Variants in ITGA2B observed in about 807,000 individuals in gnomAD.
ITGA2B encodes the protein integrin subunit alpha 2b.
In ITGA2B, 91 loss-of-function variants were observed where a neutral mutation model predicts 142.0. The observed-to-expected ratio is 0.64, with a 90% CI of 0.54 to 0.76. ITGA2B has a LOEUF of 0.76. Ranked by LOEUF, ITGA2B falls within the 30% of genes least tolerant of loss-of-function variation. The pLI is 0.00. For synonymous variants in ITGA2B, 536 were observed against 567.2 expected, an observed-to-expected ratio of 0.94 and a Z score of 0.78; for missense variants, 1,231 against 1,350.8, an observed-to-expected ratio of 0.91 and a Z score of 1.39.
rs1266738364 is a variant in ITGA2B, at chr17:44,379,775, G to T, written c.1792C>A (p.Leu598Ile). Reference sequence around the variant, plus strand: ...GGCGGTAGGGACACATTGAGGCTGAGCACAATGGGGCTCAGCTTGTCCCGG... The same window carrying T: ...GGCGGTAGGGACACATTGAGGCTGATCACAATGGGGCTCAGCTTGTCCCGG... ...DFRDKLSPIV[L>I]SLNVSLPPTE... The change falls in exon 18 of 30, where the codon CTC becomes ATC. Residue 598 changes from leucine to isoleucine, a missense_variant. Leu to Ile is a conservative substitution (Grantham distance 5). Transcript: ENST00000262407. 1 of 1,613,862 alleles carries T rather than the reference G, an allele frequency of 6.2e-7. No homozygotes were observed. Among genetic ancestry groups the T allele is most frequent in the South Asian group, 1.1e-5 (1 of 91,084 alleles).
At chr17:44,387,862 A>C (rs2143499910) in intron 1 of ITGA2B, among the ~76,000 whole-genome samples, 1 of 150,082 alleles carries the variant, frequency 6.7e-6, no homozygotes, top group South Asian at 2.1e-4. Context: ...AAAGAAGAAG[A>C]AGAAAAAAAG....
At chr17:44,380,514 A>C in intron 14 of ITGA2B, 24 bp from the exon 15 acceptor site, 1 of 1,613,834 alleles carries the variant, frequency 6.2e-7, no homozygotes, top group South Asian at 1.1e-5. Flanking sequence ...GTGATGGGGT[A>C]GGCTTGCCAT....
chr17:44,378,406 G>A lies in ITGA2B; in HGVS notation c.2050C>T (p.Leu684=), dbSNP rs2048563773. 3 of 1,613,416 alleles carry A rather than the reference G, an allele frequency of 1.9e-6. No individual in the cohort carries two copies. The African/African-American group carries it at 4.0e-5, about 22-fold the overall frequency. The change falls in exon 20 of 30, where the codon CTG becomes TTG. Residue 684 remains leucine (L), a synonymous_variant. Transcript: ENST00000262407. ...GAYEAELAVH[L]PQGAHYMRAL... The stretch of plus-strand genomic sequence containing the variant: ...CGCATGTAGTGGGCGCCCTGGGGCA[G>A]GTGCACGGCCAGCTCTGCTTCATAG...
At position 44,373,294 on chromosome 17, in the gene ITGA2B, C is replaced by T. The variant is rs148930821; in HGVS notation, c.3061-871G>A. 6.7e-3 allele frequency among the ~76,000 whole-genome samples: 1,016 copies of T among 152,162 alleles called. 12 individuals carry two copies. Among genetic ancestry groups the T allele is most frequent in the African/African-American group, 0.023 (955 of 41,540 alleles). Reference sequence around the variant, plus strand: ...CTGGAAGTACAGGTGCCTGCCACCACGCCTGGCTAATTTTTGTATTTTTAG... The same window carrying T: ...CTGGAAGTACAGGTGCCTGCCACCATGCCTGGCTAATTTTTGTATTTTTAG... On this transcript the variant is annotated intron_variant, in intron 29 of 29. Transcript: ENST00000262407.
At chr17:44,374,804 C>T in intron 27 of ITGA2B, 44 bp from the exon 28 acceptor site, 1 of 1,544,684 alleles carries the variant, frequency 6.5e-7, no homozygotes, top group Non-Finnish European at 8.9e-7. Context: ...CACAAGAGGC[C>T]TATTGGTTGC....
At position 44,385,891 on chromosome 17, in the gene ITGA2B, G is replaced by A. The variant is rs2048644314; in HGVS notation, c.341C>T (p.Thr114Ile). 6 of 1,610,772 alleles carry A rather than the reference G, an allele frequency of 3.7e-6. No homozygotes were observed. Among genetic ancestry groups the A allele is most frequent in the Middle Eastern group, 3.3e-4 (2 of 6,058 alleles). ...RDETRNVGSQ[T>I]LQTFKARQGL... ...TTGGCGGGCCTTGAAGGTTTGTAAA[G>A]TTTGGGAGCCTACATTTCGGGTCTC... Residue 114 changes from threonine to isoleucine, a missense_variant, in exon 3 of 30, where the codon ACT (threonine) becomes ATT (isoleucine). By Grantham distance (89) the Thr-to-Ile change is moderately conservative (BLOSUM62 -1). Around this residue, in one of 3 missense-constraint regions of ITGA2B, gnomAD observed 318 missense variants for 312.2 expected, o/e 1.02. Transcript: ENST00000262407.
intron 29 of ITGA2B, among the ~76,000 whole-genome samples, chr17:44,372,829 C>T (rs943109808): frequency 5.9e-5 from 9 of 151,818 alleles, no homozygotes; most frequent in South Asian, 2.1e-4. Flanking sequence ...CCCTGTTGGC[C>T]GGGCTGGTCT....
Position 44,375,643 on chromosome 17 carries a change from A to T in ITGA2B, c.2675T>A (p.Ile892Asn), listed in dbSNP as rs2048534813. Residue 892 changes from isoleucine to asparagine, a missense_variant, in exon 26 of 30, where the codon ATC becomes AAC. By Grantham distance (149) the Ile-to-Asn change is moderately radical. This residue lies in a region of ITGA2B where 908 missense variants were observed against 1,021.1 expected (regional missense o/e 0.89). Coordinates refer to ENST00000262407, the MANE Select transcript of ITGA2B (RefSeq NM_000419.5). ...PAHHKRDRRQIFLPEPEQPSR... is the reference protein window; with the variant it reads ...PAHHKRDRRQNFLPEPEQPSR... ...GGGCTGCTCGGGCTCTGGCAGGAAG[A>T]TCTGTCTGCGATCCCGCTTGTGATG... 4 of 1,613,310 alleles carry T rather than the reference A, an allele frequency of 2.5e-6. No homozygotes were observed. Among genetic ancestry groups the T allele is most frequent in the Non-Finnish European group, 3.4e-6 (4 of 1,179,786 alleles).
chr17:44,386,991 T>A (rs2048654868), intron 1 of ITGA2B, among the ~76,000 whole-genome samples: 1 of 152,172 alleles, frequency 6.6e-6, no homozygotes, highest in African/African-American at 2.4e-5. Flanking sequence ...CTGGGCATGG[T>A]GGCTCACACC....
chr17:44,383,615 A>C lies in ITGA2B; in HGVS notation c.1088T>G (p.Leu363Arg). 6.2e-7 allele frequency: 1 copy of C among 1,608,060 alleles called. No homozygotes were observed. The highest frequency in any genetic ancestry group is 1.1e-5 in the South Asian group (1 of 89,752). Residue 363 changes from leucine to arginine, a missense_variant, in exon 12 of 30, where the codon CTG becomes CGG. Coordinates refer to ENST00000262407, the MANE Select transcript of ITGA2B (RefSeq NM_000419.5). ...LAEVGRVYLF[L>R]QPRGPHALGA... ...CAGCGCGTGGGGGCCTCGCGGCTGC[A>C]GGAACAAATACACACGCCCCACTTC... is the stretch of plus-strand genomic sequence containing the variant.
Position 44,376,152 on chromosome 17 carries a change from G to C in ITGA2B, c.2381C>G (p.Ala794Gly). 6.2e-7 allele frequency: 1 copy of C among 1,614,180 alleles called. No homozygotes were observed. Among genetic ancestry groups the C allele is most frequent in the Non-Finnish European group, 8.5e-7 (1 of 1,180,032 alleles). Residue 794 changes from alanine (A) to glycine (G), a missense_variant, in exon 24 of 30, where the codon GCA (alanine) becomes GGA (glycine). Around this residue, in one of 3 missense-constraint regions of ITGA2B, gnomAD observed 908 missense variants for 1,021.1 expected, o/e 0.89. Coordinates refer to ENST00000262407, the MANE Select transcript of ITGA2B (RefSeq NM_000419.5). ...NSFPASLVVA[A>G]EEGEREQNSL... ...GTTCTGCTCCCTCTCACCTTCTTCT[G>C]CTGCCACCACCAGGGAGGCTGGAAA...
Position 44,376,401 on chromosome 17 carries a change from G to A in ITGA2B, c.2268-13C>T. ...CTGGCTGTTCTTGCTAGAGGGGAGG[G>A]GATGAGGAGAAACAGGGCCAGGGAC... On this transcript the variant is annotated splice_polypyrimidine_tract_variant and intron_variant, in intron 22 of 29. Transcript: ENST00000262407. 1 of 1,613,946 alleles carries A rather than the reference G, an allele frequency of 6.2e-7. No homozygotes were observed.
intron 15 of ITGA2B, 26 bp downstream of exon 15, chr17:44,380,360 A>G: frequency 2.5e-6 from 4 of 1,614,082 alleles, no homozygotes; most frequent in Non-Finnish European, 3.4e-6. Flanking sequence ...CAGATCCTTT[A>G]AGGCCCATGC....
At chr17:44,373,838 G>C in intron 29 of ITGA2B, 1 of 207,186 alleles carries the variant, frequency 4.8e-6, no homozygotes. Flanking sequence ...TGTCTGGAAG[G>C]GTTCCCAGGA....
intron 1 of ITGA2B, among the ~76,000 whole-genome samples, chr17:44,387,462 G>A (rs1275424380): frequency 6.6e-6 from 1 of 151,988 alleles, no homozygotes; most frequent in Non-Finnish European, 1.5e-5. Context: ...GGCAGAGGTT[G>A]CAGTGAGCCG....
intron 18 of ITGA2B, 151 bp downstream of exon 18, chr17:44,379,538 G>A: frequency 7.9e-7 from 1 of 1,269,444 alleles, no homozygotes; most frequent in Non-Finnish European, 1.1e-6. Context: ...ACAGGTGTGA[G>A]CCACCATGAC....
At chr17:44,388,742 C>T (rs1160909186) in intron 1 of ITGA2B, among the ~76,000 whole-genome samples, 2 of 151,970 alleles carry the variant, frequency 1.3e-5, no homozygotes, top group African/African-American at 4.8e-5. Flanking sequence ...TGGTCTTGAA[C>T]TCCTGACCTC....
rs779910477 is a variant in ITGA2B at position 44,381,039 on chromosome 17, G to A, written c.1233C>T (p.Tyr411=). ...GYNDIAVAAP[Y]GGPSGRGQVL... ...CTTGGCCCCGGCCACTGGGACCCCC[G>A]TAGGGGGCAGCCACTGCAATGTCTG... The change falls in exon 13 of 30, where the codon TAC becomes TAT. Residue 411 remains tyrosine, a synonymous_variant. Transcript: ENST00000262407. 38 of 1,613,250 alleles carry A rather than the reference G, an allele frequency of 2.4e-5. No individual in the cohort carries two copies. The highest frequency in any genetic ancestry group is 1.6e-4 in the Middle Eastern group (1 of 6,078).
rs2048633474 is a variant in ITGA2B at position 44,385,168 on chromosome 17, G to T, written c.666C>A (p.Phe222Leu). Residue 222 changes from phenylalanine (F) to leucine (L), a missense_variant, in exon 6 of 30, where the codon TTC becomes TTA. This residue lies in a region of ITGA2B where 318 missense variants were observed against 312.2 expected (regional missense o/e 1.02). Coordinates refer to ENST00000262407, the MANE Select transcript of ITGA2B (RefSeq NM_000419.5). ...GGTGTACGGATGGGCACGTACCTAA[G>T]AAATAATAGCCGCCAGGAGCCCCAA... ...LVLGAPGGYYFLGLLAQAPVA... is the reference protein window; with the variant it reads ...LVLGAPGGYYLLGLLAQAPVA... 6.2e-7 allele frequency: 1 copy of T among 1,613,960 alleles called. No individual in the cohort carries two copies. The highest frequency in any genetic ancestry group is 8.5e-7 in the Non-Finnish European group (1 of 1,180,026).
Sources: allele counts gnomAD v4.1 joint callset (sites outside exome capture counted in the v4.1 genomes callset), GRCh38; gene constraint gnomAD v4.1.1; regional missense constraint gnomAD v4.1.1; transcripts MANE v1.5; gene names NCBI Gene and HGNC (gene_info 2026-07-23, HGNC 2026-07-21).